MYO1H: variants seen among roughly 807,000 people sequenced by gnomAD.
MYO1H encodes myosin IH, also known as unconventional myosin-Ih.
In MYO1H, 118 loss-of-function variants were observed where a neutral mutation model predicts 149.3. The observed-to-expected ratio is 0.79, with a 90% CI of 0.68 to 0.92. The LOEUF (loss-of-function observed/expected upper bound fraction) is 0.92, where lower values mean the gene tolerates loss of function less well. Among genes scored for constraint, MYO1H ranks in the 40% least tolerant of loss-of-function variants. The pLI is 0.00. For synonymous variants in MYO1H, 447 were observed against 465.2 expected (o/e 0.96, Z 0.50); for missense variants, 1,212 against 1,280.7 (o/e 0.95, Z 0.82).
chr12:109,397,659 G>A lies in MYO1H; in HGVS notation c.490-73G>A, dbSNP rs552079656. ...TCTCTCCTCCATTTTTGTAATAAGT[G>A]TATTATTTGGGGTCAGGAATTTGAT... On this transcript the variant is annotated intron_variant, in intron 4 of 31. Transcript: ENST00000310903. The A allele has an allele frequency of 2.6e-3, 3,141 of 1,204,330 alleles. 7 individuals are homozygous for A. The highest frequency in any genetic ancestry group is 3.2e-3 in the Non-Finnish European group (2,757 of 855,610). 74.6% of individuals were successfully genotyped at this position (1,204,330 alleles called of 1,614,324 possible).
the MYO1H span, among the ~76,000 whole-genome samples, chr12:109,315,075 C>A: frequency 6.6e-6 from 1 of 152,194 alleles, no homozygotes; most frequent in Non-Finnish European, 1.5e-5. Flanking sequence ...GCATTCCAGC[C>A]TGGGCTACAA....
chr12:109,352,682 C>A (rs1868490161), intron 1 of MYO1H, among the ~76,000 whole-genome samples: 1 of 152,116 alleles, frequency 6.6e-6, no homozygotes, highest in African/African-American at 2.4e-5. Flanking sequence ...CTACCATTAA[C>A]CTATTACTTA....
At chr12:109,372,008 T>C (rs1014268396) in intron 1 of MYO1H, among the ~76,000 whole-genome samples, 1 of 152,180 alleles carries the variant, frequency 6.6e-6, no homozygotes, top group African/African-American at 2.4e-5. Context: ...GGTGTTGGAC[T>C]TTTATTGATT....
rs753746832 is a variant in MYO1H at position 109,445,627 on chromosome 12, CTG to C, written c.3093+16_3093+17del. On this transcript the variant is annotated intron_variant, in intron 31 of 31. Coordinates refer to ENST00000310903, the Ensembl canonical transcript of MYO1H. Reference sequence around the variant, plus strand: ...AATTAACAGTGGTGAGTGGCCGTCTCTGGGAGGGAAGTAAGCCGTTTTAGATG... The same window carrying C: ...AATTAACAGTGGTGAGTGGCCGTCTCGGAGGGAAGTAAGCCGTTTTAGATG... 29 of 1,605,176 alleles carry C rather than the reference CTG, an allele frequency of 1.8e-5. 1 individual carries two copies. The South Asian group carries it at 3.0e-4, about 17-fold the overall frequency.
rs1240149654 is a variant in MYO1H at position 109,431,992 on chromosome 12, A to AATT, written c.1950-905_1950-904insATT. On this transcript the variant is annotated intron_variant, in intron 19 of 31. Coordinates refer to ENST00000310903, the Ensembl canonical transcript of MYO1H. ...ACTGCCACACCTGGCTAAAAAAAAAATTTTTTTTTTTTTTTTTTTTTTTTT... is the reference window on the plus strand; with the variant it reads ...ACTGCCACACCTGGCTAAAAAAAAAAATTTTTTTTTTTTTTTTTTTTTTTTTTT... Among the ~76,000 whole-genome samples the AATT allele has an allele frequency of 1.3e-4, 11 of 85,748 alleles. 1 individual carries two copies. The highest frequency in any genetic ancestry group is 5.9e-4 in the African/African-American group (11 of 18,714). 56.3% of individuals were successfully genotyped at this position (85,748 alleles called of 152,430 possible).
In MYO1H at chr12:109,445,569, T is replaced by C. The variant is rs3825393; in HGVS notation, c.3050T>C (p.Leu1017Pro). ...GGCACAATAGTTTTCGACACTGGACTGGAAGAACAAGTCTATAAAAATAAA... is the reference window on the plus strand; with the variant it reads ...GGCACAATAGTTTTCGACACTGGACCGGAAGAACAAGTCTATAAAAATAAA... Residue 1017 changes from leucine (L) to proline (P), a missense_variant, in exon 31 of 32, where the codon CTG (leucine) becomes CCG (proline). Coordinates refer to ENST00000310903, the Ensembl canonical transcript of MYO1H. 1,049,878 of 1,610,944 alleles carry C rather than the reference T, an allele frequency of 0.65. 347,915 individuals carry two copies. Among genetic ancestry groups the C allele is most frequent in the African/African-American group, 0.94 (70,156 of 74,932 alleles).
chr12:109,428,310 G>A (rs986102066), intron 19 of MYO1H, among the ~76,000 whole-genome samples: 3 of 152,104 alleles, frequency 2.0e-5, no homozygotes, highest in Non-Finnish European at 4.4e-5. Flanking sequence ...AGCGCAACGG[G>A]CTGTCAAGAG....
rs1246497553 is a variant in MYO1H, at chr12:109,405,799, TG to T, written c.850-121del. On this transcript the variant is annotated intron_variant, in intron 7 of 31. Transcript: ENST00000310903. Reference sequence around the variant, plus strand: ...GGGCTTGGTTCTGTGGGCTCAGGTGTGGAATTGGGACGGGGGCATTTTTCCT... The same window carrying T: ...GGGCTTGGTTCTGTGGGCTCAGGTGTGAATTGGGACGGGGGCATTTTTCCT... 6 of 697,514 alleles carry T rather than the reference TG, an allele frequency of 8.6e-6. No individual in the cohort carries two copies. In the African/African-American group the frequency reaches 1.1e-4, roughly 13 times the overall value. 43.2% of individuals were successfully genotyped at this position (697,514 alleles called of 1,614,324 possible). A position where few individuals can be genotyped will look rare whatever the true frequency, so the allele number is the denominator to read the frequency against.
intron 20 of MYO1H, among the ~76,000 whole-genome samples, chr12:109,434,062 T>G (rs1172173993): frequency 6.6e-6 from 1 of 152,150 alleles, no homozygotes; most frequent in African/African-American, 2.4e-5. Context: ...TCACCCAGGC[T>G]GCAGTGGCAT....
At chr12:109,331,648 C>A in the MYO1H span, among the ~76,000 whole-genome samples, 935 of 152,230 alleles carry the variant, frequency 6.1e-3, 7 homozygotes, top group Non-Finnish European at 0.01. Context: ...ACTTTTTAGA[C>A]CTTTCAGGAA....
At position 109,411,903 on chromosome 12, in the gene MYO1H, T is replaced by C. The variant is rs779395239; in HGVS notation, c.1420T>C (p.Cys474Arg). ...TCTTTTTCTTTTGAAGGATGAAGAATGCATTCGGCCTGGTCCTGCTACAGA... is the reference window on the plus strand; with the variant it reads ...TCTTTTTCTTTTGAAGGATGAAGAACGCATTCGGCCTGGTCCTGCTACAGA... Residue 474 changes from cysteine (C) to arginine (R), a missense_variant, in exon 14 of 32, where the codon TGC (cysteine) becomes CGC (arginine). Physicochemically the swap from Cys to Arg is radical, Grantham distance 180 (BLOSUM62 -3). Coordinates refer to ENST00000310903, the Ensembl canonical transcript of MYO1H. 5.0e-6 allele frequency: 8 copies of C among 1,602,766 alleles called. No homozygotes were observed. The African/African-American group carries it at 5.3e-5, about 11-fold the overall frequency.
At chr12:109,351,698 GCT>G (rs1293300982) in intron 1 of MYO1H, among the ~76,000 whole-genome samples, 3 of 152,142 alleles carry the variant, frequency 2.0e-5, no homozygotes, top group African/African-American at 4.8e-5. Flanking sequence ...AGCCCCCATG[GCT>G]AGGATGATTG....
At chr12:109,321,665 A>G in the MYO1H span, among the ~76,000 whole-genome samples, 1 of 152,222 alleles carries the variant, frequency 6.6e-6, no homozygotes, top group African/African-American at 2.4e-5. Context: ...GCTAATAAAC[A>G]TTTGTGGTTA....
rs2137021689 is a variant in MYO1H, at chr12:109,378,096, CATACA to C, written c.13-10584_13-10580del. 2.0e-5 allele frequency among the ~76,000 whole-genome samples: 3 copies of C among 152,204 alleles called. No individual in the cohort carries two copies. In the South Asian group the frequency reaches 6.2e-4, roughly 32 times the overall value. The stretch of plus-strand genomic sequence containing the variant: ...CTTTATTGAGATCTAATTCATATGC[CATACA>C]ATTAATCTATTTAAAGTGTACAGTT... On this transcript the variant is annotated intron_variant, in intron 1 of 31. Coordinates refer to ENST00000310903, the Ensembl canonical transcript of MYO1H.
chr12:109,329,788 T>C, the MYO1H span, among the ~76,000 whole-genome samples: 3 of 152,216 alleles, frequency 2.0e-5, no homozygotes, highest in African/African-American at 7.2e-5. Flanking sequence ...GTGCCAATTA[T>C]ATGCCAGTGA....
chr12:109,398,623 G>A (rs1323179130), intron 5 of MYO1H, among the ~76,000 whole-genome samples: 3 of 151,048 alleles, frequency 2.0e-5, no homozygotes, highest in Non-Finnish European at 4.4e-5. Flanking sequence ...GGTGGTGTGC[G>A]ACTGTAATCC....
At chr12:109,424,072 CTTTT>C (rs1293275604) in intron 16 of MYO1H, among the ~76,000 whole-genome samples, 1 of 152,184 alleles carries the variant, frequency 6.6e-6, no homozygotes, top group Admixed American at 6.6e-5. Context: ...CTCTTTCTTT[CTTTT>C]TATTTCTCTT....
chr12:109,411,560 A>G (rs896853174), intron 13 of MYO1H, among the ~76,000 whole-genome samples: 1 of 152,244 alleles, frequency 6.6e-6, no homozygotes, highest in Admixed American at 6.5e-5. Flanking sequence ...GAGTCTGTAC[A>G]CATGGTAATC....
chr12:109,409,456 A>C, intron 10 of MYO1H, 101 bp from the exon 11 acceptor site: 2 of 981,192 alleles, frequency 2.0e-6, no homozygotes, highest in South Asian at 2.6e-5. Flanking sequence ...CAGAGGACAT[A>C]TGAGCTTTAG....
Sources: allele counts gnomAD v4.1 joint callset (sites outside exome capture counted in the v4.1 genomes callset), GRCh38; gene constraint gnomAD v4.1.1; transcripts MANE v1.5; gene names NCBI Gene and HGNC (gene_info 2026-07-23, HGNC 2026-07-21).